The following CDC7 variants were observed in gnomAD, a reference collection of about 807,000 sequenced individuals.
CDC7 encodes the protein cell division cycle 7.
Under a neutral mutation model 53.5 loss-of-function variants are expected in CDC7, and 34 were observed. The ratio of observed to expected loss-of-function variants is 0.64; its 90% CI spans 0.48 to 0.85. The LOEUF is 0.85. Among genes scored for constraint, CDC7 ranks in the 40% least tolerant of loss-of-function variants. CDC7 has a pLI of 0.00. For missense variants in CDC7, 594 were observed against 679.7 expected (o/e 0.87, Z 1.40); for synonymous variants, 211 against 222.8 (o/e 0.95, Z 0.47).
chr1:91,513,828 C>A, intron 7 of CDC7, 120 bp from the exon 8 acceptor site: 1 of 644,556 alleles, frequency 1.6e-6, no homozygotes, highest in Non-Finnish European at 2.7e-6. Flanking sequence ...CTGAGAATGA[C>A]TTGGATGCAG....
chr1:91,513,955 C>G lies in CDC7; in HGVS notation c.830C>G (p.Ser277Cys), dbSNP rs575596960. 6.2e-7 allele frequency: 1 copy of G among 1,609,498 alleles called. No individual in the cohort carries two copies. The highest frequency in any genetic ancestry group is 1.3e-5 in the African/African-American group (1 of 74,862). Reference protein sequence around the residue: ...IKQGKDGKEGSVGLSVQRSVF... With the variant: ...IKQGKDGKEGCVGLSVQRSVF... ...TTTTTGTTGGTATTGTAGGAGGGAT[C>G]TGTAGGCCTTTCTGTCCAGCGCTCT... Residue 277 changes from serine (S) to cysteine (C), a missense_variant, in exon 8 of 12, where the codon TCT becomes TGT. Transcript: ENST00000234626.
intron 10 of CDC7, among the ~76,000 whole-genome samples, chr1:91,518,093 CAAAAAAAAAAAAAA>C (rs55787737): frequency 4.3e-5 from 2 of 46,020 alleles, no homozygotes; most frequent in East Asian, 8.4e-4. Flanking sequence ...GACTCAGTCT[CAAAAAAAAAAAAAA>C]AAAAAAAAAG....
rs1189420732 is a variant in CDC7, at chr1:91,524,086, G to GA, written c.1380dup (p.Leu461ThrfsTer3). On this transcript the variant is annotated frameshift_variant, in exon 12 of 12. Coordinates refer to ENST00000234626, the MANE Select transcript of CDC7 (RefSeq NM_003503.4). LOFTEE classifies it low-confidence loss of function (END_TRUNC). ...AAAGAAGTTCCAGCACAAGACTTGA[G>GA]AAAACTCTGTGAGAGACTCAGGGGT... 1 of 1,612,070 alleles carries GA rather than the reference G, an allele frequency of 6.2e-7. No homozygotes were observed. The highest frequency in any genetic ancestry group is 8.5e-7 in the Non-Finnish European group (1 of 1,178,850).
chr1:91,516,275 A>G lies in CDC7; in HGVS notation c.1180+399A>G, dbSNP rs188342808. ...TTTTATTTGCTTGCTTAATACCTCA[A>G]AAGTTTCCTGTGATGTAGATATATT... On this transcript the variant is annotated intron_variant, in intron 10 of 11. Coordinates refer to ENST00000234626, the MANE Select transcript of CDC7 (RefSeq NM_003503.4). 3.9e-5 allele frequency among the ~76,000 whole-genome samples: 6 copies of G among 152,252 alleles called. No homozygotes were observed. The East Asian group carries it at 7.7e-4, about 20-fold the overall frequency.
At chr1:91,518,795 A>G (rs909366733) in intron 10 of CDC7, among the ~76,000 whole-genome samples, 4 of 152,012 alleles carry the variant, frequency 2.6e-5, no homozygotes, top group Non-Finnish European at 5.9e-5. Context: ...AATAGTTATA[A>G]AGAATGAATT....
At chr1:91,508,063 C>T (rs1667084753) in intron 3 of CDC7, 126 bp downstream of exon 3, 9 of 852,316 alleles carry the variant, frequency 1.1e-5, no homozygotes, top group Non-Finnish European at 1.4e-5. Flanking sequence ...CTATTAAGAC[C>T]ATAGTTTTAT....
chr1:91,519,322 A>T (rs1005190253), intron 10 of CDC7, among the ~76,000 whole-genome samples: 1 of 151,492 alleles, frequency 6.6e-6, no homozygotes, highest in Non-Finnish European at 1.5e-5. Context: ...CCAGCTACTC[A>T]AGAGGCTGAA....
intron 9 of CDC7, among the ~76,000 whole-genome samples, chr1:91,515,356 C>A (rs1667504729): frequency 6.6e-6 from 1 of 152,176 alleles, no homozygotes; most frequent in South Asian, 2.1e-4. Flanking sequence ...TCCTCTTTTA[C>A]TCCCACCTCC....
chr1:91,520,304 C>T, intron 11 of CDC7, 25 bp downstream of exon 11: 3 of 1,497,844 alleles, frequency 2.0e-6, no homozygotes, highest in Non-Finnish European at 2.7e-6. Context: ...ATTATAGAAC[C>T]AAACAAAATG....
chr1:91,520,777 T>C (rs1241914313), intron 11 of CDC7, among the ~76,000 whole-genome samples: 1 of 152,150 alleles, frequency 6.6e-6, no homozygotes, highest in African/African-American at 2.4e-5. Flanking sequence ...AGAATGGAAA[T>C]GTGTGTTGTC....
intron 2 of CDC7, among the ~76,000 whole-genome samples, chr1:91,506,081 T>A (rs1047109671): frequency 3.3e-5 from 5 of 152,118 alleles, no homozygotes; most frequent in Non-Finnish European, 5.9e-5. Context: ...ACGATCATAG[T>A]TTAGTAACCT....
At chr1:91,519,739 G>A (rs1667825505) in intron 10 of CDC7, among the ~76,000 whole-genome samples, 1 of 152,184 alleles carries the variant, frequency 6.6e-6, no homozygotes, top group Admixed American at 6.5e-5. Flanking sequence ...TGACCAGTAT[G>A]GTATGTAATT....
At chr1:91,519,655 G>A (rs1667816604) in intron 10 of CDC7, among the ~76,000 whole-genome samples, 1 of 152,110 alleles carries the variant, frequency 6.6e-6, no homozygotes, top group East Asian at 1.9e-4. Flanking sequence ...AGTTTCTATA[G>A]CAGTAGTTGG....
chr1:91,524,498 G>A lies in CDC7; in HGVS notation c.*63G>A. The A allele has an allele frequency of 7.8e-7, 1 of 1,283,870 alleles. No homozygotes were observed. The highest frequency in any genetic ancestry group is 1.4e-5 in the South Asian group (1 of 70,622). 79.5% of individuals were successfully genotyped at this position (1,283,870 alleles called of 1,614,324 possible). On this transcript the variant is annotated 3_prime_UTR_variant, in exon 12 of 12. Coordinates refer to ENST00000234626, the MANE Select transcript of CDC7 (RefSeq NM_003503.4). The stretch of plus-strand genomic sequence containing the variant: ...GAATAAAAAAGAATACTTTGTAATA[G>A]CCACAAGTTCTTGTTTAGAGACCAG...
At chr1:91,507,023 C>G (rs1360082864) in intron 2 of CDC7, among the ~76,000 whole-genome samples, 1 of 152,140 alleles carries the variant, frequency 6.6e-6, no homozygotes, top group African/African-American at 2.4e-5. Context: ...ATTTAACCTC[C>G]CTGAATTGAG....
intron 4 of CDC7, among the ~76,000 whole-genome samples, chr1:91,508,922 T>C (rs1223482265): frequency 6.6e-6 from 1 of 152,176 alleles, no homozygotes; most frequent in Non-Finnish European, 1.5e-5. Flanking sequence ...TCTGCATACA[T>C]TGTTTTCATT....
intron 10 of CDC7, among the ~76,000 whole-genome samples, chr1:91,518,869 G>T (rs1226510175): frequency 6.6e-6 from 1 of 152,026 alleles, no homozygotes; most frequent in Non-Finnish European, 1.5e-5. Context: ...AGACCAGCTT[G>T]GGCAACATGG....
intron 2 of CDC7, among the ~76,000 whole-genome samples, chr1:91,506,360 T>C (rs1666989772): frequency 6.6e-6 from 1 of 152,092 alleles, no homozygotes; most frequent in Non-Finnish European, 1.5e-5. Flanking sequence ...CCTTTTTTTT[T>C]TCTTGTTCCT....
chr1:91,506,645 G>A (rs777693158), intron 2 of CDC7, among the ~76,000 whole-genome samples: 1 of 151,960 alleles, frequency 6.6e-6, no homozygotes, highest in Non-Finnish European at 1.5e-5. Flanking sequence ...TTAAGACAGC[G>A]TTTATTTAAA....
Sources: gnomAD v4.1 joint callset for allele counts (sites outside exome capture counted in the v4.1 genomes callset) on GRCh38, gnomAD v4.1.1 for gene constraint, MANE v1.5 for transcripts, NCBI Gene and HGNC (gene_info 2026-07-23, HGNC 2026-07-21) for gene names.